Variants in REC114 observed in about 807,000 individuals in gnomAD.
REC114 encodes REC114 meiotic recombination protein.
Under a neutral mutation model 31.3 loss-of-function variants are expected in REC114, and 27 were observed. That is an observed-to-expected ratio of 0.86 (90% CI 0.64 to 1.19). The LOEUF (loss-of-function observed/expected upper bound fraction) is 1.19, where lower values mean the gene tolerates loss of function less well. Among genes scored for constraint, REC114 ranks in the 50% most tolerant of loss-of-function variants. REC114 has a pLI of 0.00. For synonymous variants in REC114, 134 were observed against 127.7 expected (o/e 1.05, Z -0.33); for missense variants, 344 against 326.9 (o/e 1.05, Z -0.40).
intron 1 of REC114, among the ~76,000 whole-genome samples, chr15:73,452,039 C>T (rs529381068): frequency 1.3e-5 from 2 of 152,266 alleles, no homozygotes; most frequent in Non-Finnish European, 2.9e-5. Context: ...ACTGAATGGG[C>T]AAAAACTGGA....
chr15:73,458,037 T>C (rs1242365171), intron 1 of REC114, among the ~76,000 whole-genome samples: 2 of 152,174 alleles, frequency 1.3e-5, no homozygotes, highest in African/African-American at 4.8e-5. Flanking sequence ...TGCAGCTTCA[T>C]TGTTCCTGTG....
At chr15:73,545,052 C>A (rs1456391106) in intron 3 of REC114, among the ~76,000 whole-genome samples, 1 of 152,230 alleles carries the variant, frequency 6.6e-6, no homozygotes, top group Non-Finnish European at 1.5e-5. Context: ...AGATGCTATT[C>A]ATACCTGTGA....
chr15:73,558,992 A>G (rs1386676249), intron 5 of REC114, among the ~76,000 whole-genome samples: 3 of 152,250 alleles, frequency 2.0e-5, no homozygotes, highest in African/African-American at 7.2e-5. Flanking sequence ...TGCTATACTC[A>G]ACATCATGGA....
intron 4 of REC114, among the ~76,000 whole-genome samples, chr15:73,554,647 A>G (rs1328172190): frequency 6.6e-6 from 1 of 152,154 alleles, no homozygotes; most frequent in African/African-American, 2.4e-5. Context: ...CGCAGTTCCT[A>G]TGTGGACTCT....
chr15:73,529,832 G>C (rs1894053248), intron 2 of REC114, among the ~76,000 whole-genome samples: 1 of 152,218 alleles, frequency 6.6e-6, no homozygotes, highest in South Asian at 2.1e-4. Flanking sequence ...GCTCCTTGAG[G>C]GCAGGGACCA....
intron 3 of REC114, among the ~76,000 whole-genome samples, chr15:73,546,817 G>GAAAAAAAA (rs11421177): frequency 1.7e-5 from 2 of 115,856 alleles, no homozygotes; most frequent in African/African-American, 3.3e-5. Context: ...TCTGTCTCAG[G>GAAAAAAAA]AAAAAAAAAA....
intron 1 of REC114, among the ~76,000 whole-genome samples, chr15:73,448,763 TG>T (rs952598362): frequency 1.3e-5 from 2 of 152,114 alleles, no homozygotes; most frequent in Non-Finnish European, 2.9e-5. Flanking sequence ...GGCTGGCATC[TG>T]GGGGGTGCCC....
chr15:73,546,683 G>A (rs1394480427), intron 3 of REC114, among the ~76,000 whole-genome samples: 1 of 152,004 alleles, frequency 6.6e-6, no homozygotes, highest in Non-Finnish European at 1.5e-5. Context: ...GGAAGAGACA[G>A]TCTCTTCAAT....
intron 3 of REC114, among the ~76,000 whole-genome samples, chr15:73,549,424 T>G (rs547437276): frequency 2.0e-5 from 3 of 152,190 alleles, no homozygotes; most frequent in Non-Finnish European, 4.4e-5. Context: ...CAGGACCTAG[T>G]ATTTGATAGC....
At chr15:73,557,487 A>T (rs951707132) in intron 5 of REC114, among the ~76,000 whole-genome samples, 10 of 152,120 alleles carry the variant, frequency 6.6e-5, no homozygotes, top group Non-Finnish European at 1.2e-4. Context: ...TAAATGGACA[A>T]TCATATAGAA....
chr15:73,548,716 T>G (rs947891682), intron 3 of REC114, among the ~76,000 whole-genome samples: 4 of 152,168 alleles, frequency 2.6e-5, no homozygotes. Flanking sequence ...ATATAAATCC[T>G]TCTGTAATAT....
intron 2 of REC114, among the ~76,000 whole-genome samples, chr15:73,477,554 CTG>C (rs927891902): frequency 3.0e-4 from 45 of 152,116 alleles, no homozygotes; most frequent in African/African-American, 9.6e-4. Flanking sequence ...GTAGCTGGGA[CTG>C]TAGGCATACA....
In REC114 at chr15:73,530,876, CCTT is replaced by C. The variant is rs543552155; in HGVS notation, c.250-9606_250-9604del. 6.1e-4 allele frequency among the ~76,000 whole-genome samples: 93 copies of C among 152,062 alleles called. 1 individual carries two copies. Among genetic ancestry groups the C allele is most frequent in the African/African-American group, 2.2e-3 (91 of 41,482 alleles). ...AAATAAATCACCTGGCACCAAAACA[CCTT>C]CTCACATTCATCAAGAAGCGCTTTT... On this transcript the variant is annotated intron_variant, in intron 2 of 5. Transcript: ENST00000331090.
At chr15:73,528,366 T>C (rs1441890075) in intron 2 of REC114, among the ~76,000 whole-genome samples, 2 of 152,210 alleles carry the variant, frequency 1.3e-5, no homozygotes, top group African/African-American at 4.8e-5. Flanking sequence ...GTACCTACTA[T>C]GGAATCGAAT....
intron 2 of REC114, among the ~76,000 whole-genome samples, chr15:73,496,662 A>G (rs1450346900): frequency 6.6e-6 from 1 of 151,996 alleles, no homozygotes; most frequent in Non-Finnish European, 1.5e-5. Context: ...AAAAAAAAAA[A>G]AAAAAAATTG....
At chr15:73,465,746 G>A (rs1893048151) in intron 1 of REC114, among the ~76,000 whole-genome samples, 1 of 152,046 alleles carries the variant, frequency 6.6e-6, no homozygotes, top group Non-Finnish European at 1.5e-5. Context: ...CTCTTACTGA[G>A]TTTTGTTATA....
At chr15:73,488,903 A>G (rs2141301388) in intron 2 of REC114, among the ~76,000 whole-genome samples, 1 of 152,270 alleles carries the variant, frequency 6.6e-6, no homozygotes, top group Non-Finnish European at 1.5e-5. Context: ...ATTTTCAGGT[A>G]TTTGTTATAG....
chr15:73,555,046 T>C (rs1021668945), intron 4 of REC114, among the ~76,000 whole-genome samples: 4 of 152,226 alleles, frequency 2.6e-5, no homozygotes, highest in Non-Finnish European at 5.9e-5. Flanking sequence ...TTTGTTTTCT[T>C]GTCTTTGTTC....
In REC114 at chr15:73,443,249, C is replaced by T. The variant is rs753250701; in HGVS notation, c.64C>T (p.Pro22Ser). 1.0e-4 allele frequency: 165 copies of T among 1,573,342 alleles called. No individual in the cohort carries two copies. Among genetic ancestry groups the T allele is most frequent in the Middle Eastern group, 8.3e-4 (5 of 6,008 alleles). Reference sequence around the variant, plus strand: ...TACCGGAGGAGAAGCGGCAGAGTGGCCTCTGCAGCGGTACGCCCGCTGCAT... The same window carrying T: ...TACCGGAGGAGAAGCGGCAGAGTGGTCTCTGCAGCGGTACGCCCGCTGCAT... ...GLTGGEAAEW[P>S]LQRYARCIPS... Residue 22 changes from proline to serine, a missense_variant, in exon 1 of 6, where the codon CCT (proline) becomes TCT (serine). Physicochemically the swap from Pro to Ser is moderately conservative, Grantham distance 74 (BLOSUM62 -1). Coordinates refer to ENST00000331090, the MANE Select transcript of REC114 (RefSeq NM_001042367.2).
Sources: gnomAD v4.1 joint callset for allele counts (sites outside exome capture counted in the v4.1 genomes callset) on GRCh38, gnomAD v4.1.1 for gene constraint, MANE v1.5 for transcripts, NCBI Gene and HGNC (gene_info 2026-07-23, HGNC 2026-07-21) for gene names.